The following USP35 variants were observed in gnomAD, a reference collection of about 807,000 sequenced individuals.
USP35 encodes ubiquitin specific peptidase 35.
USP35 carries 69 observed loss-of-function variants against 83.8 expected under a neutral mutation model. That is an observed-to-expected ratio of 0.82 (90% CI 0.68 to 1.01). USP35 has a LOEUF of 1.01. Ranked by LOEUF, USP35 falls within the 50% of genes least tolerant of loss-of-function variation. The pLI, the probability that USP35 is intolerant of heterozygous loss-of-function variation, is 0.00. For synonymous variants in USP35, 714 were observed against 589.5 expected (o/e 1.21, Z -3.06); for missense variants, 1,503 against 1,362.5 (o/e 1.10, Z -1.62).
At chr11:78,198,649 C>T (rs944670208) in intron 3 of USP35, 11 of 985,326 alleles carry the variant, frequency 1.1e-5, no homozygotes, top group Non-Finnish European at 1.3e-5. Context: ...ATCCCGTGTG[C>T]AGATCCACCG....
chr11:78,209,633 T>C lies in USP35; in HGVS notation c.1778T>C (p.Phe593Ser). ...CLNVSSREEA[F>S]TDLSLAFPPP... ...AACGTCTCCTCCCGGGAGGAGGCCT[T>C]CACGGACCTCTCTCTCGCCTTCCCT... The change falls in exon 10 of 11, where the codon TTC becomes TCC. Residue 593 changes from phenylalanine (F) to serine (S), a missense_variant. Physicochemically the swap from Phe to Ser is radical, Grantham distance 155. Transcript: ENST00000529308. 1 of 1,614,038 alleles carries C rather than the reference T, an allele frequency of 6.2e-7. No homozygotes were observed. Among genetic ancestry groups the C allele is most frequent in the Non-Finnish European group, 8.5e-7 (1 of 1,179,986 alleles).
At position 78,210,203 on chromosome 11, in the gene USP35, A is replaced by G. The variant is rs767834036; in HGVS notation, c.2348A>G (p.Glu783Gly). The G allele has an allele frequency of 6.2e-7, 1 of 1,613,928 alleles. No homozygotes were observed. Among genetic ancestry groups the G allele is most frequent in the Non-Finnish European group, 8.5e-7 (1 of 1,180,012 alleles). ...ACAGCAGAAAACCGCTACTACTGCG[A>G]GTCGTGTGCCTCCCTGCAGGATGCC... is the stretch of plus-strand genomic sequence containing the variant. ...KLTAENRYYC[E>G]SCASLQDAEK... The change falls in exon 10 of 11, where the codon GAG becomes GGG. Residue 783 changes from glutamate (E) to glycine (G), a missense_variant. Glu to Gly is a moderately conservative substitution (Grantham distance 98). Transcript: ENST00000529308.
the USP35 span, among the ~76,000 whole-genome samples, chr11:78,232,532 T>A: frequency 6.6e-6 from 1 of 152,346 alleles, no homozygotes; most frequent in African/African-American, 2.4e-5. Flanking sequence ...CCGTTGGCAA[T>A]AGATATTATT....
chr11:78,223,708 T>G, the USP35 span: 1 of 1,538,736 alleles, frequency 6.5e-7, no homozygotes, highest in South Asian at 1.2e-5. Flanking sequence ...GAAATACAGC[T>G]GTTACTAGCA....
chr11:78,197,334 A>G (rs1348865790), intron 2 of USP35, among the ~76,000 whole-genome samples: 1 of 151,846 alleles, frequency 6.6e-6, no homozygotes, highest in Non-Finnish European at 1.5e-5. Flanking sequence ...ACCTGGCAGC[A>G]GGGGCAAGGT....
chr11:78,217,434 A>C (rs1012200425), downstream of USP35: 1 of 152,272 alleles, frequency 6.6e-6, no homozygotes, highest in Non-Finnish European at 1.5e-5. Context: ...GACTTAGAGA[A>C]TGGCTAGGCC....
rs752789276 is a variant in USP35 at position 78,210,198 on chromosome 11, C to T, written c.2343C>T (p.Tyr781=). The T allele has an allele frequency of 8.1e-6, 13 of 1,613,984 alleles. No homozygotes were observed. Among genetic ancestry groups the T allele is most frequent in the Non-Finnish European group, 1.1e-5 (13 of 1,180,028 alleles). The change falls in exon 10 of 11, where the codon TAC becomes TAT. Residue 781 remains tyrosine (Y), a synonymous_variant. Transcript: ENST00000529308. ...AGCTGACAGCAGAAAACCGCTACTA[C>T]TGCGAGTCGTGTGCCTCCCTGCAGG... The part of the protein sequence containing the change: ...PEKLTAENRY[Y]CESCASLQDA...
At chr11:78,197,785 A>G (rs1863198431) in intron 2 of USP35, 151 bp from the exon 3 acceptor site, 1 of 1,162,084 alleles carries the variant, frequency 8.6e-7, no homozygotes, top group Non-Finnish European at 1.2e-6. Flanking sequence ...AGGTGGAACC[A>G]GAGACTTTGC....
At chr11:78,194,322 C>G (rs1364062076) in intron 1 of USP35, among the ~76,000 whole-genome samples, 1 of 152,172 alleles carries the variant, frequency 6.6e-6, no homozygotes, top group African/African-American at 2.4e-5. Context: ...AGAACTAGAA[C>G]AGAGCAGGGA....
chr11:78,220,382 G>A, the USP35 span: 1 of 1,612,766 alleles, frequency 6.2e-7, no homozygotes, highest in Admixed American at 1.7e-5. Flanking sequence ...CGCTGCCGGT[G>A]CTCTTCTTAG....
At chr11:78,234,494 A>C in the USP35 span, among the ~76,000 whole-genome samples, 1 of 151,568 alleles carries the variant, frequency 6.6e-6, no homozygotes. Flanking sequence ...TCCTATATGA[A>C]TGTCAAGCTG....
intron 1 of USP35, among the ~76,000 whole-genome samples, chr11:78,194,998 T>A (rs1863101349): frequency 1.3e-5 from 2 of 151,944 alleles, no homozygotes; most frequent in African/African-American, 4.8e-5. Flanking sequence ...TCAGCTGAGG[T>A]CTGCAGGGGG....
In USP35 at chr11:78,210,003, AGAG is replaced by A. The variant is rs777818294; in HGVS notation, c.2149_2151del (p.Glu717del). On this transcript the variant is annotated inframe_deletion, in exon 10 of 11. Transcript: ENST00000529308. ...AAGAGGAGGAGGTGGAAGAGGAAGA[AGAG>A]AAGGTGGAGAAGGAGACAGAAAAGG... 6.6e-5 allele frequency: 107 copies of A among 1,613,360 alleles called. No homozygotes were observed. Among genetic ancestry groups the A allele is most frequent in the Non-Finnish European group, 8.9e-5 (105 of 1,179,780 alleles).
the USP35 span, among the ~76,000 whole-genome samples, chr11:78,233,986 G>GT: frequency 1.3e-5 from 2 of 152,180 alleles, no homozygotes; most frequent in African/African-American, 4.8e-5. Context: ...AAAAACTACA[G>GT]TTTTTTCTCT....
chr11:78,198,609 C>T, intron 3 of USP35: 1 of 985,468 alleles, frequency 1.0e-6, no homozygotes. Flanking sequence ...ACCCCGTCCA[C>T]CTGGCATGCC....
chr11:78,228,871 AT>A, the USP35 span, among the ~76,000 whole-genome samples: 1 of 152,110 alleles, frequency 6.6e-6, no homozygotes, highest in Non-Finnish European at 1.5e-5. Context: ...TAAGGTGTTA[AT>A]GTTGTATGCA....
downstream of USP35, chr11:78,216,372 A>G (rs1242341718): frequency 6.6e-6 from 1 of 151,988 alleles, no homozygotes; most frequent in Non-Finnish European, 1.5e-5. Context: ...GTGGACTTTG[A>G]CCCATGGATA....
At chr11:78,219,207 A>G (rs1864294297), downstream of USP35, 2 of 1,470,620 alleles carry the variant, frequency 1.4e-6, no homozygotes, top group East Asian at 4.6e-5. Flanking sequence ...GGGAGAGGGG[A>G]GAGGGGAGAT....
rs1863933595 is a variant in USP35, at chr11:78,213,966, ATATGGAAGT to A, written c.*154_*162del. 2 of 813,164 alleles carry A rather than the reference ATATGGAAGT, an allele frequency of 2.5e-6. No homozygotes were observed. The highest frequency in any genetic ancestry group is 3.5e-6 in the Non-Finnish European group (2 of 568,212). 50.4% of individuals were successfully genotyped at this position (813,164 alleles called of 1,614,324 possible). ...GAAGGGTACACAGAGATTCTCTCAG[ATATGGAAGT>A]AAGACCTAAGTCCCTTTCATTGGGG... On this transcript the variant is annotated 3_prime_UTR_variant, in exon 11 of 11. Transcript: ENST00000529308.
Sources: allele counts gnomAD v4.1 joint callset (sites outside exome capture counted in the v4.1 genomes callset), GRCh38; gene constraint gnomAD v4.1.1; transcripts MANE v1.5; gene names NCBI Gene and HGNC (gene_info 2026-07-23, HGNC 2026-07-21).